MYO3A: variants seen among roughly 807,000 people sequenced by gnomAD.
MYO3A encodes myosin-IIIa.
MYO3A carries 180 observed loss-of-function variants against 192.7 expected under a neutral mutation model. The ratio of observed to expected loss-of-function variants is 0.93; its 90% CI spans 0.83 to 1.06. The LOEUF is 1.06. Ranked by LOEUF, MYO3A falls within the 50% of genes least tolerant of loss-of-function variation. The pLI, the probability that MYO3A is intolerant of heterozygous loss-of-function variation, is 0.00. For missense variants in MYO3A, 1,896 were observed against 1,905.0 expected (o/e 1.00, Z 0.09); for synonymous variants, 628 against 645.3 (o/e 0.97, Z 0.41).
At chr10:26,003,565 A>G (rs1840987827) in intron 6 of MYO3A, among the ~76,000 whole-genome samples, 1 of 152,226 alleles carries the variant, frequency 6.6e-6, no homozygotes, top group African/African-American at 2.4e-5. Context: ...AAGTGAGGTT[A>G]TAAATATTAT....
Position 26,155,931 on chromosome 10 carries a change from C to G in MYO3A, c.2793+1108C>G, listed in dbSNP as rs149253253. Among the ~76,000 whole-genome samples, 185 of 152,254 alleles carry G rather than the reference C, an allele frequency of 1.2e-3. 2 individuals carry two copies. Among genetic ancestry groups the G allele is most frequent in the African/African-American group, 3.6e-3 (151 of 41,536 alleles). On this transcript the variant is annotated intron_variant, in intron 25 of 34. Coordinates refer to ENST00000642920, the MANE Select transcript of MYO3A (RefSeq NM_017433.5). Reference sequence around the variant, plus strand: ...TCATGAAATCTTTTTAATCTTCAGGCTGAAGTGAGAAATGATAGAAGATAA... The same window carrying G: ...TCATGAAATCTTTTTAATCTTCAGGGTGAAGTGAGAAATGATAGAAGATAA...
rs1836029091 is a variant in MYO3A, at chr10:25,935,839, T to A, written c.-18+9T>A. ...TTCAAGCTTTGCTAACGGTAGGTGA[T>A]AAAATTGACAAGTGTTCTGGGTTTG... On this transcript the variant is annotated intron_variant, in intron 2 of 34. Coordinates refer to ENST00000642920, the MANE Select transcript of MYO3A (RefSeq NM_017433.5). 6.6e-6 allele frequency: 1 copy of A among 152,258 alleles called. No individual in the cohort carries two copies. Among genetic ancestry groups the A allele is most frequent in the East Asian group, 1.9e-4 (1 of 5,202 alleles). 9.4% of individuals were successfully genotyped at this position (152,258 alleles called of 1,614,324 possible).
chr10:26,133,551 G>A (rs1192525711), intron 20 of MYO3A, among the ~76,000 whole-genome samples: 11 of 152,204 alleles, frequency 7.2e-5, no homozygotes, highest in Non-Finnish European at 1.5e-4. Flanking sequence ...GTGGGGATTT[G>A]TGGTACTTAT....
chr10:26,003,141 T>C (rs556625525), intron 6 of MYO3A, among the ~76,000 whole-genome samples: 35 of 152,264 alleles, frequency 2.3e-4, no homozygotes, highest in African/African-American at 8.4e-4. Flanking sequence ...CCTCCTAAGA[T>C]TGGTTGCTGT....
At chr10:26,146,776 G>A (rs1160896269) in intron 22 of MYO3A, among the ~76,000 whole-genome samples, 1 of 152,038 alleles carries the variant, frequency 6.6e-6, no homozygotes, top group Non-Finnish European at 1.5e-5. Context: ...TACTATATTG[G>A]ATCATTTCCA....
At chr10:26,016,454 G>A (rs1841989206) in intron 6 of MYO3A, among the ~76,000 whole-genome samples, 1 of 152,144 alleles carries the variant, frequency 6.6e-6, no homozygotes, top group East Asian at 1.9e-4. Flanking sequence ...GGGCAGGGAG[G>A]AAGCACGCCA....
intron 20 of MYO3A, 68 bp downstream of exon 20, chr10:26,128,606 G>A (rs568445141): frequency 2.1e-6 from 3 of 1,458,672 alleles, no homozygotes; most frequent in African/African-American, 1.4e-5. Context: ...TACAAATGAA[G>A]CAGGACCTTA....
intron 21 of MYO3A, 75 bp downstream of exon 21, chr10:26,143,676 C>A: frequency 6.4e-7 from 1 of 1,550,574 alleles, no homozygotes; most frequent in Non-Finnish European, 8.9e-7. Flanking sequence ...TTTTAAATGG[C>A]TTTAAATTAT....
intron 4 of MYO3A, among the ~76,000 whole-genome samples, chr10:25,963,846 G>A (rs2130670183): frequency 6.6e-6 from 1 of 152,116 alleles, no homozygotes; most frequent in East Asian, 1.9e-4. Flanking sequence ...TCTAACTTAG[G>A]AAATTTATAC....
chr10:26,164,920 A>G (rs1222858253), intron 26 of MYO3A, among the ~76,000 whole-genome samples: 2 of 152,192 alleles, frequency 1.3e-5, no homozygotes, highest in African/African-American at 4.8e-5. Flanking sequence ...CCATGTGTAC[A>G]TGAGCGAGTT....
intron 4 of MYO3A, among the ~76,000 whole-genome samples, chr10:25,956,527 A>G (rs1481552893): frequency 7.2e-6 from 1 of 139,156 alleles, no homozygotes; most frequent in African/African-American, 2.7e-5. Context: ...TATTTTTAGT[A>G]GAGACAGTGT....
At chr10:25,966,262 C>T (rs1046914285) in intron 4 of MYO3A, among the ~76,000 whole-genome samples, 4 of 152,080 alleles carry the variant, frequency 2.6e-5, no homozygotes, top group East Asian at 3.9e-4. Flanking sequence ...CGTAAGTTTA[C>T]AGAACTGAAG....
At chr10:26,145,839 A>G (rs1840432093) in intron 22 of MYO3A, among the ~76,000 whole-genome samples, 1 of 152,210 alleles carries the variant, frequency 6.6e-6, no homozygotes, top group African/African-American at 2.4e-5. Context: ...TTTCTAGAGG[A>G]ATCATTTTTA....
Position 26,212,403 on chromosome 10 carries a change from C to T in MYO3A, c.*440C>T, listed in dbSNP as rs967480661. Reference sequence around the variant, plus strand: ...TCTTGGCCAACAGAACACTTGCTAGCGGTTGAATCTTAGAGAAAAAAGCCC... The same window carrying T: ...TCTTGGCCAACAGAACACTTGCTAGTGGTTGAATCTTAGAGAAAAAAGCCC... On this transcript the variant is annotated 3_prime_UTR_variant, in exon 35 of 35. Coordinates refer to ENST00000642920, the MANE Select transcript of MYO3A (RefSeq NM_017433.5). 8 of 295,496 alleles carry T rather than the reference C, an allele frequency of 2.7e-5. No individual in the cohort carries two copies. Among genetic ancestry groups the T allele is most frequent in the Middle Eastern group, 1.8e-3 (2 of 1,120 alleles). 18.3% of individuals were successfully genotyped at this position (295,496 alleles called of 1,614,324 possible).
chr10:26,166,221 T>A, intron 27 of MYO3A, 43 bp downstream of exon 27: 1 of 1,426,548 alleles, frequency 7.0e-7, no homozygotes, highest in Non-Finnish European at 9.9e-7. Context: ...ATAATTATGC[T>A]GGGTTCACTG....
chr10:26,190,044 C>T (rs1843051034), intron 31 of MYO3A, among the ~76,000 whole-genome samples: 1 of 151,868 alleles, frequency 6.6e-6, no homozygotes, highest in African/African-American at 2.4e-5. Flanking sequence ...GCCTGGGAGA[C>T]AGAGCAAGAC....
chr10:25,934,686 A>C (rs1835928552), intron 1 of MYO3A, among the ~76,000 whole-genome samples: 5 of 149,534 alleles, frequency 3.3e-5, no homozygotes, highest in East Asian at 4.0e-4. Flanking sequence ...GGAGGAGGGA[A>C]CGGGAAGGGT....
chr10:26,070,096 CT>C lies in MYO3A; in HGVS notation c.1171-10del, dbSNP rs1319636208. ...AACAAAAAGCCCTACAAAATGTATT[CT>C]TTTTAACCTTTAGCATTCCAAACTA... On this transcript the variant is annotated splice_polypyrimidine_tract_variant and intron_variant, in intron 12 of 34. Coordinates refer to ENST00000642920, the MANE Select transcript of MYO3A (RefSeq NM_017433.5). 15 of 1,570,314 alleles carry C rather than the reference CT, an allele frequency of 9.6e-6. No individual in the cohort carries two copies. The highest frequency in any genetic ancestry group is 5.1e-5 in the Admixed American group (3 of 59,362).
At chr10:26,184,777 C>T (rs751929645) in intron 31 of MYO3A, among the ~76,000 whole-genome samples, 11 of 152,206 alleles carry the variant, frequency 7.2e-5, no homozygotes, top group Non-Finnish European at 1.3e-4. Context: ...TTACCACGCA[C>T]AACCCACAAA....
Sources: gnomAD v4.1 joint callset for allele counts (sites outside exome capture counted in the v4.1 genomes callset) on GRCh38, gnomAD v4.1.1 for gene constraint, MANE v1.5 for transcripts, NCBI Gene and HGNC (gene_info 2026-07-23, HGNC 2026-07-21) for gene names.